Variants in TACR3 observed in about 807,000 individuals in gnomAD.
The protein encoded by TACR3 is tachykinin receptor 3.
TACR3 carries 34 observed loss-of-function variants against 35.0 expected under a neutral mutation model. That is an observed-to-expected ratio of 0.97 (90% CI 0.74 to 1.30). The LOEUF (loss-of-function observed/expected upper bound fraction) is 1.30, where lower values mean the gene tolerates loss of function less well. Ranked by LOEUF, TACR3 falls within the 50% of genes most tolerant of loss-of-function variation. The probability of loss-of-function intolerance (pLI) is 0.00; values close to 1 mark genes in which losing one functional copy is unlikely to be tolerated. For missense variants in TACR3, 558 were observed against 591.7 expected (o/e 0.94, Z 0.59); for synonymous variants, 233 against 221.1 (o/e 1.05, Z -0.48).
At chr4:103,700,073 A>G (rs1722613771) in intron 1 of TACR3, among the ~76,000 whole-genome samples, 1 of 152,178 alleles carries the variant, frequency 6.6e-6, no homozygotes. Flanking sequence ...GAGTGAATAC[A>G]CAAACAGCGA....
At chr4:103,690,216 G>A (rs2110216291) in intron 1 of TACR3, among the ~76,000 whole-genome samples, 1 of 152,198 alleles carries the variant, frequency 6.6e-6, no homozygotes, top group African/African-American at 2.4e-5. Flanking sequence ...ACATCAAATG[G>A]TTCCTCAAAT....
At chr4:103,601,078 A>G (rs531560426) in intron 3 of TACR3, among the ~76,000 whole-genome samples, 1 of 152,124 alleles carries the variant, frequency 6.6e-6, no homozygotes, top group South Asian at 2.1e-4. Context: ...TCCCATTATT[A>G]TTGTGTGGAG....
At chr4:103,625,143 C>T (rs1724861887) in intron 3 of TACR3, among the ~76,000 whole-genome samples, 1 of 152,096 alleles carries the variant, frequency 6.6e-6, no homozygotes, top group Admixed American at 6.5e-5. Flanking sequence ...AGTAAATTTA[C>T]ATTTTTCATT....
In TACR3 at chr4:103,686,060, G is replaced by A. The variant is rs909239956; in HGVS notation, c.549-27657C>T. Among the ~76,000 whole-genome samples, 19 of 152,270 alleles carry A rather than the reference G, an allele frequency of 1.2e-4. No individual in the cohort carries two copies. In the East Asian group the frequency reaches 2.9e-3, roughly 23 times the overall value. On this transcript the variant is annotated intron_variant, in intron 1 of 4. Coordinates refer to ENST00000304883, the MANE Select transcript of TACR3 (RefSeq NM_001059.3). ...GGTTAAAACATAGCAGTGTTAGTTG[G>A]AGAAAGCAACAAATCTGCAGTCTAG...
intron 1 of TACR3, among the ~76,000 whole-genome samples, chr4:103,668,316 C>T (rs1725976615): frequency 6.6e-6 from 1 of 152,028 alleles, no homozygotes; most frequent in South Asian, 2.1e-4. Flanking sequence ...AGCATTATGT[C>T]TAAAAAATGT....
chr4:103,712,758 G>A (rs1723000109), intron 1 of TACR3, among the ~76,000 whole-genome samples: 1 of 151,984 alleles, frequency 6.6e-6, no homozygotes. Context: ...AATCTACAAA[G>A]AACTCAAACA....
chr4:103,644,702 A>ATGTT (rs1725423457), intron 3 of TACR3, among the ~76,000 whole-genome samples: 1 of 151,676 alleles, frequency 6.6e-6, no homozygotes, highest in Non-Finnish European at 1.5e-5. Context: ...TACTATTAAA[A>ATGTT]TGTTAGTTTT....
intron 3 of TACR3, among the ~76,000 whole-genome samples, chr4:103,633,347 A>G (rs1355696781): frequency 6.6e-6 from 1 of 152,140 alleles, no homozygotes; most frequent in East Asian, 1.9e-4. Flanking sequence ...TAAGGGCTAA[A>G]TGAATAAAGT....
intron 1 of TACR3, among the ~76,000 whole-genome samples, chr4:103,706,241 T>A (rs1157866891): frequency 6.6e-6 from 1 of 152,148 alleles, no homozygotes; most frequent in Non-Finnish European, 1.5e-5. Context: ...CAAGTAGAAA[T>A]GTCAAGGAGG....
rs146498209 is a variant in TACR3, at chr4:103,719,382, C to G, written c.294G>C (p.Val98=). 5.8e-4 allele frequency: 941 copies of G among 1,614,224 alleles called. 6 individuals carry two copies. The African/African-American group carries it at 0.012, about 20-fold the overall frequency. Reference sequence around the variant, plus strand: ...TGACGATGAGATTTCCCAAAACTGCCACTGCCACCACCACACCATACGCCA... The same window carrying G: ...TGACGATGAGATTTCCCAAAACTGCGACTGCCACCACCACACCATACGCCA... ...WSLAYGVVVA[V]AVLGNLIVIW... The change falls in exon 1 of 5, where the codon GTG becomes GTC. Residue 98 remains valine (V), a synonymous_variant. Coordinates refer to ENST00000304883, the MANE Select transcript of TACR3 (RefSeq NM_001059.3).
chr4:103,708,406 G>A (rs1210737602), intron 1 of TACR3, among the ~76,000 whole-genome samples: 1 of 152,188 alleles, frequency 6.6e-6, no homozygotes, highest in Non-Finnish European at 1.5e-5. Flanking sequence ...GGTCTGGAGT[G>A]GACCTCCAGC....
intron 3 of TACR3, among the ~76,000 whole-genome samples, chr4:103,637,874 C>T (rs926317560): frequency 6.6e-6 from 1 of 152,224 alleles, no homozygotes; most frequent in African/African-American, 2.4e-5. Flanking sequence ...AGGGATCCAA[C>T]TTACCAGGGA....
chr4:103,606,417 G>A (rs1355273887), intron 3 of TACR3, among the ~76,000 whole-genome samples: 2 of 152,198 alleles, frequency 1.3e-5, no homozygotes, highest in Non-Finnish European at 2.9e-5. Context: ...ACCTTGGGCA[G>A]TATGGCCATT....
intron 1 of TACR3, among the ~76,000 whole-genome samples, chr4:103,677,261 G>T (rs1317924787): frequency 1.3e-5 from 2 of 152,120 alleles, no homozygotes; most frequent in Non-Finnish European, 2.9e-5. Flanking sequence ...ACTGTTGGTA[G>T]GAGTATAAAT....
chr4:103,649,576 C>T (rs897519385), intron 3 of TACR3, among the ~76,000 whole-genome samples: 4 of 151,972 alleles, frequency 2.6e-5, no homozygotes, highest in Non-Finnish European at 4.4e-5. Context: ...AAATAGCCTG[C>T]CTTCAAGCTC....
intron 3 of TACR3, among the ~76,000 whole-genome samples, chr4:103,651,768 G>A (rs1337943885): frequency 6.6e-6 from 1 of 151,938 alleles, no homozygotes; most frequent in African/African-American, 2.4e-5. Context: ...ATTGCCACTG[G>A]TTATTCAGGC....
intron 1 of TACR3, among the ~76,000 whole-genome samples, chr4:103,679,363 T>C (rs1422006494): frequency 6.6e-6 from 1 of 152,060 alleles, no homozygotes; most frequent in Non-Finnish European, 1.5e-5. Flanking sequence ...AATAGCAGCA[T>C]ATTTCAAACC....
At chr4:103,711,975 C>G (rs558906026) in intron 1 of TACR3, among the ~76,000 whole-genome samples, 1 of 152,284 alleles carries the variant, frequency 6.6e-6, no homozygotes, top group South Asian at 2.1e-4. Flanking sequence ...CTACAAACCA[C>G]TGCTCAATGA....
chr4:103,639,114 C>T (rs1421543637), intron 3 of TACR3, among the ~76,000 whole-genome samples: 2 of 152,086 alleles, frequency 1.3e-5, no homozygotes, highest in Non-Finnish European at 2.9e-5. Flanking sequence ...GATTATAAAT[C>T]ATGCTGCTAT....
Sources: allele counts gnomAD v4.1 joint callset (sites outside exome capture counted in the v4.1 genomes callset), GRCh38; gene constraint gnomAD v4.1.1; transcripts MANE v1.5; gene names NCBI Gene and HGNC (gene_info 2026-07-23, HGNC 2026-07-21).